RBM27: variants seen among roughly 807,000 people sequenced by gnomAD.
RBM27 encodes the protein RNA binding motif protein 27, also known as RNA-binding protein 27.
RBM27 carries 22 observed loss-of-function variants against 135.3 expected under a neutral mutation model. The observed-to-expected ratio is 0.16, with a 90% CI of 0.12 to 0.23. The LOEUF is 0.23. Ranked by LOEUF, RBM27 falls within the 10% of genes least tolerant of loss-of-function variation. The pLI, the probability that RBM27 is intolerant of heterozygous loss-of-function variation, is 1.00. For missense variants in RBM27, 1,009 were observed against 1,281.0 expected, an observed-to-expected ratio of 0.79 and a Z score of 3.24; for synonymous variants, 481 against 442.4, an observed-to-expected ratio of 1.09 and a Z score of -1.10.
intron 7 of RBM27, among the ~76,000 whole-genome samples, chr5:146,236,930 CT>C (rs36073661): frequency 0.36 from 17,108 of 47,250 alleles, 2,041 homozygotes; most frequent in East Asian, 0.5. Flanking sequence ...TATGATGGTC[CT>C]TTTTTTTTTT....
At chr5:146,275,293 G>A (rs936145436) in intron 19 of RBM27, among the ~76,000 whole-genome samples, 7 of 150,676 alleles carry the variant, frequency 4.6e-5, no homozygotes, top group East Asian at 1.9e-4. Context: ...TTTTGGAGAC[G>A]GAGTCTTGCT....
intron 1 of RBM27, among the ~76,000 whole-genome samples, chr5:146,210,076 T>C (rs911564910): frequency 6.6e-6 from 1 of 152,248 alleles, no homozygotes; most frequent in Non-Finnish European, 1.5e-5. Context: ...ATGTATTATT[T>C]TGTACTGTAA....
chr5:146,269,618 T>C (rs2126879974), intron 17 of RBM27, 34 bp downstream of exon 17: 2 of 1,424,338 alleles, frequency 1.4e-6, no homozygotes, highest in East Asian at 4.9e-5. Flanking sequence ...AACATAGGGT[T>C]ATTGAACATC....
chr5:146,232,322 A>G (rs374602827), intron 6 of RBM27, among the ~76,000 whole-genome samples: 1 of 152,298 alleles, frequency 6.6e-6, no homozygotes, highest in South Asian at 2.1e-4. Context: ...CTAATCTCTC[A>G]GCCATAGAAT....
intron 14 of RBM27, among the ~76,000 whole-genome samples, chr5:146,266,865 G>A (rs1396691726): frequency 1.3e-5 from 2 of 152,154 alleles, no homozygotes; most frequent in Non-Finnish European, 1.5e-5. Context: ...AAGAGATTGA[G>A]GCGCAGCAAG....
intron 19 of RBM27, among the ~76,000 whole-genome samples, chr5:146,280,919 A>G (rs1231774126): frequency 6.6e-6 from 1 of 152,018 alleles, no homozygotes; most frequent in Non-Finnish European, 1.5e-5. Context: ...GTGCAGTGGC[A>G]TGATCTTGGC....
chr5:146,269,502 G>C lies in RBM27; in HGVS notation c.2609G>C (p.Gly870Ala), dbSNP rs1024218061. Residue 870 changes from glycine to alanine, a missense_variant, in exon 17 of 21, where the codon GGA (glycine) becomes GCA (alanine). Physicochemically the swap from Gly to Ala is moderately conservative, Grantham distance 60. This residue lies in a region of RBM27 where 355 missense variants were observed against 427.3 expected (regional missense o/e 0.83). Transcript: ENST00000265271. ...ANIMKTLKEL[G>A]EKISQLKDEL... ...ATAATGAAGACTTTGAAAGAGCTTG[G>C]AGAGAAGATCTCACAATTAAAAGAT... The C allele has an allele frequency of 3.2e-6, 5 of 1,584,996 alleles. No homozygotes were observed. The South Asian group carries it at 5.9e-5, about 19-fold the overall frequency.
In RBM27 at chr5:146,255,041, C is replaced by T. The variant is rs898062626; in HGVS notation, c.1543C>T (p.Arg515Cys). 1.2e-6 allele frequency: 2 copies of T among 1,611,678 alleles called. No individual in the cohort carries two copies. Among genetic ancestry groups the T allele is most frequent in the South Asian group, 1.1e-5 (1 of 90,994 alleles). The change falls in exon 10 of 21, where the codon CGT becomes TGT. Residue 515 changes from arginine (R) to cysteine (C), a missense_variant. Physicochemically the swap from Arg to Cys is radical, Grantham distance 180. This residue lies in a region of RBM27 where 329 missense variants were observed against 368.1 expected (regional missense o/e 0.89). Coordinates refer to ENST00000265271, the MANE Select transcript of RBM27 (RefSeq NM_018989.2). ...GTTCTTTTCAAGAACTCAGACACAG[C>T]GTCCCAATCTGATTGGCCTAACATC... ...RQFFSRTQTQ[R>C]PNLIGLTSGD... is the part of the protein sequence containing the mutation.
At chr5:146,236,879 C>T in intron 7 of RBM27, among the ~76,000 whole-genome samples, 1 of 150,420 alleles carries the variant, frequency 6.6e-6, no homozygotes, top group East Asian at 2.0e-4. Context: ...CTCGGCCTCC[C>T]AAAGTGCTGA....
chr5:146,241,128 A>G (rs1227902541), intron 8 of RBM27, among the ~76,000 whole-genome samples: 1 of 152,044 alleles, frequency 6.6e-6, no homozygotes, highest in Non-Finnish European at 1.5e-5. Context: ...ATTTGGTATT[A>G]TGACTCATGA....
At chr5:146,266,090 A>G (rs1232226637) in intron 14 of RBM27, among the ~76,000 whole-genome samples, 1 of 152,190 alleles carries the variant, frequency 6.6e-6, no homozygotes, top group Admixed American at 6.5e-5. Context: ...TGAGACTGGC[A>G]GTACTGCAGA....
rs1308750020 is a variant in RBM27, at chr5:146,286,215, A to G, written c.*185A>G. ...AACTGTACATGATATTAAAGCACCA[A>G]AGGCCTAGTGACTTTTACACAGTTG... On this transcript the variant is annotated 3_prime_UTR_variant, in exon 21 of 21. Transcript: ENST00000265271. 2 of 491,978 alleles carry G rather than the reference A, an allele frequency of 4.1e-6. No individual in the cohort carries two copies. The highest frequency in any genetic ancestry group is 7.1e-6 in the Non-Finnish European group (2 of 282,942). The allele number at this position is 491,978 out of a possible 1,614,324, so 30.5% of individuals were successfully genotyped here.
chr5:146,282,267 A>G (rs1759394163), intron 19 of RBM27, among the ~76,000 whole-genome samples: 1 of 152,132 alleles, frequency 6.6e-6, no homozygotes, highest in Non-Finnish European at 1.5e-5. Context: ...CGGCCTCCCA[A>G]AGTGTTAGGA....
intron 4 of RBM27, 114 bp from the exon 5 acceptor site, chr5:146,229,603 T>TA (rs2126747118): frequency 1.1e-6 from 1 of 891,854 alleles, no homozygotes; most frequent in Admixed American, 2.4e-5. Context: ...TGCAACTTTC[T>TA]AAAAAAGCAT....
chr5:146,234,709 G>A (rs1031266989), intron 7 of RBM27, among the ~76,000 whole-genome samples: 3 of 151,954 alleles, frequency 2.0e-5, no homozygotes, highest in Non-Finnish European at 2.9e-5. Flanking sequence ...AATATAAAAC[G>A]TTATCTGCTT....
chr5:146,271,688 A>G lies in RBM27; in HGVS notation c.2988+14A>G, dbSNP rs1758872810. 6.3e-7 allele frequency: 1 copy of G among 1,592,780 alleles called. No individual in the cohort carries two copies. On this transcript the variant is annotated intron_variant, in intron 19 of 20. Transcript: ENST00000265271. The stretch of plus-strand genomic sequence containing the variant: ...CAGCATTTCTCAGTAAGTTTTTAAA[A>G]TAGCAAATGCTAACTGTAAAAACAC...
chr5:146,207,390 T>A (rs1755733526), intron 1 of RBM27, among the ~76,000 whole-genome samples: 1 of 151,180 alleles, frequency 6.6e-6, no homozygotes. Flanking sequence ...ATTTTTTGTA[T>A]TTTTTAGTAG....
At chr5:146,271,115 C>T (rs1022365200) in intron 18 of RBM27, 57 bp downstream of exon 18, 27 of 1,391,410 alleles carry the variant, frequency 1.9e-5, no homozygotes, top group Non-Finnish European at 2.6e-5. Context: ...AAAAGTTTTC[C>T]TTTGACCGGG....
chr5:146,281,912 A>G (rs1045693433), intron 19 of RBM27, among the ~76,000 whole-genome samples: 4 of 150,432 alleles, frequency 2.7e-5, no homozygotes, highest in African/African-American at 9.8e-5. Flanking sequence ...TGTTTGTGAG[A>G]CTCATTCATG....
Sources: allele counts gnomAD v4.1 joint callset (sites outside exome capture counted in the v4.1 genomes callset), GRCh38; gene constraint gnomAD v4.1.1; regional missense constraint gnomAD v4.1.1; transcripts MANE v1.5; gene names NCBI Gene and HGNC (gene_info 2026-07-23, HGNC 2026-07-21).